The following SKAP1 variants were observed in gnomAD, a reference collection of about 807,000 sequenced individuals.
The protein encoded by SKAP1 is src kinase-associated phosphoprotein 1.
In SKAP1, 44 loss-of-function variants were observed where a neutral mutation model predicts 58.5. The ratio of observed to expected loss-of-function variants is 0.75; its 90% CI spans 0.59 to 0.97. The LOEUF (loss-of-function observed/expected upper bound fraction) is 0.97, where lower values mean the gene tolerates loss of function less well. Among genes scored for constraint, SKAP1 ranks in the 50% least tolerant of loss-of-function variants. The pLI is 0.00. For synonymous variants in SKAP1, 127 were observed against 149.7 expected (o/e 0.85, Z 1.11); for missense variants, 390 against 435.2 (o/e 0.90, Z 0.92).
intron 4 of SKAP1, among the ~76,000 whole-genome samples, chr17:48,240,698 A>C (rs912727545): frequency 2.6e-5 from 4 of 152,226 alleles, no homozygotes; most frequent in African/African-American, 9.7e-5. Context: ...GTGTTGTTCC[A>C]GTGGAATTAC....
chr17:48,404,600 A>G (rs1013553895), intron 1 of SKAP1, among the ~76,000 whole-genome samples: 5 of 152,242 alleles, frequency 3.3e-5, no homozygotes, highest in Admixed American at 6.5e-5. Flanking sequence ...CATCCTTGAC[A>G]GTGATAATTA....
chr17:48,180,046 T>C lies in SKAP1; in HGVS notation c.826+8A>G, dbSNP rs537241708. On this transcript the variant is annotated splice_region_variant and intron_variant, in intron 9 of 12. Coordinates refer to ENST00000336915, the MANE Select transcript of SKAP1 (RefSeq NM_003726.4). ...AGCATAAGATAATCAGAGGACAAAA[T>C]TTCTCACCTGGCAAGACTTCATAAA... 3 of 1,572,206 alleles carry C rather than the reference T, an allele frequency of 1.9e-6. No homozygotes were observed. In the South Asian group the frequency reaches 3.5e-5, roughly 19 times the overall value.
At chr17:48,346,618 C>G (rs907629957) in intron 3 of SKAP1, among the ~76,000 whole-genome samples, 5 of 150,294 alleles carry the variant, frequency 3.3e-5, no homozygotes, top group African/African-American at 1.2e-4. Flanking sequence ...CAGCGAGACT[C>G]CATCTAAAAA....
intron 4 of SKAP1, among the ~76,000 whole-genome samples, chr17:48,205,025 TTCTTTCTTTCTTTCTCTCTCTC>T (rs2064789281): frequency 2.9e-5 from 1 of 34,598 alleles, no homozygotes; most frequent in Admixed American, 4.4e-4. Flanking sequence ...TTTTCTTTCT[TTCTTTCTTTCTTTCTCTCTCTC>T]TCTTTCTTTC....
chr17:48,244,191 T>TAGAA (rs1358288272), intron 4 of SKAP1, among the ~76,000 whole-genome samples: 7 of 152,174 alleles, frequency 4.6e-5, no homozygotes. Context: ...CATGGCAGCT[T>TAGAA]TCCTGGACTA....
chr17:48,133,767 T>C lies in SKAP1; in HGVS notation c.*57A>G, dbSNP rs1301283253. Reference sequence around the variant, plus strand: ...TGGCAGAAGTAGGGAGTGGGAACTTTTGATGATCAGTTTCCTCATAAAGGC... The same window carrying C: ...TGGCAGAAGTAGGGAGTGGGAACTTCTGATGATCAGTTTCCTCATAAAGGC... On this transcript the variant is annotated 3_prime_UTR_variant, in exon 13 of 13. Transcript: ENST00000336915. 6.6e-6 allele frequency: 1 copy of C among 152,532 alleles called. No homozygotes were observed. The highest frequency in any genetic ancestry group is 1.5e-5 in the Non-Finnish European group (1 of 68,046). The allele number at this position is 152,532 out of a possible 1,614,324, so 9.4% of individuals were successfully genotyped here.
At chr17:48,192,003 T>C (rs1344208491) in intron 4 of SKAP1, among the ~76,000 whole-genome samples, 2 of 152,142 alleles carry the variant, frequency 1.3e-5, no homozygotes, top group Non-Finnish European at 1.5e-5. Flanking sequence ...GAAGGCTCTC[T>C]GAAGTGCTGT....
chr17:48,396,035 T>C (rs909951397), intron 2 of SKAP1, among the ~76,000 whole-genome samples: 7 of 152,206 alleles, frequency 4.6e-5, no homozygotes, highest in African/African-American at 1.2e-4. Context: ...TTATCCCTTG[T>C]TCTCATTCAG....
At chr17:48,262,706 A>G (rs906611514) in intron 4 of SKAP1, among the ~76,000 whole-genome samples, 3 of 152,202 alleles carry the variant, frequency 2.0e-5, no homozygotes, top group African/African-American at 7.2e-5. Context: ...GCCAATGCCA[A>G]AGTAAGAGTG....
At chr17:48,311,663 C>T (rs146533241) in intron 4 of SKAP1, among the ~76,000 whole-genome samples, 499 of 152,296 alleles carry the variant, frequency 3.3e-3, no homozygotes, top group Non-Finnish European at 5.8e-3. Flanking sequence ...ACTGCCCCTG[C>T]CCTTTAATTC....
intron 4 of SKAP1, among the ~76,000 whole-genome samples, chr17:48,233,239 A>T (rs541995506): frequency 6.6e-6 from 1 of 152,332 alleles, no homozygotes; most frequent in Admixed American, 6.5e-5. Context: ...CACATTTGAA[A>T]AAACTCAATT....
At chr17:48,354,231 C>G (rs2066845085) in intron 3 of SKAP1, among the ~76,000 whole-genome samples, 1 of 152,128 alleles carries the variant, frequency 6.6e-6, no homozygotes, top group African/African-American at 2.4e-5. Context: ...ACATCCCACT[C>G]CAAACAGGGA....
intron 2 of SKAP1, among the ~76,000 whole-genome samples, chr17:48,387,385 C>T (rs1248889178): frequency 6.6e-6 from 1 of 152,248 alleles, no homozygotes; most frequent in African/African-American, 2.4e-5. Context: ...CTAAGACACC[C>T]ATGCCACTAT....
At chr17:48,317,549 T>C (rs750846673) in intron 4 of SKAP1, among the ~76,000 whole-genome samples, 34 of 152,214 alleles carry the variant, frequency 2.2e-4, no homozygotes, top group Non-Finnish European at 4.3e-4. Context: ...AATTTCCTTT[T>C]GAAATAAATA....
intron 4 of SKAP1, among the ~76,000 whole-genome samples, chr17:48,329,341 T>C (rs1196581323): frequency 1.3e-5 from 2 of 152,262 alleles, no homozygotes; most frequent in African/African-American, 4.8e-5. Flanking sequence ...ATTAATGTGC[T>C]ACTGCTTTTT....
chr17:48,297,117 T>C (rs2065987177), intron 4 of SKAP1, among the ~76,000 whole-genome samples: 1 of 152,192 alleles, frequency 6.6e-6, no homozygotes, highest in Admixed American at 6.5e-5. Flanking sequence ...ACATTTCACT[T>C]AAGAACTTCT....
At chr17:48,138,518 C>A (rs1194185452) in intron 11 of SKAP1, among the ~76,000 whole-genome samples, 1 of 151,862 alleles carries the variant, frequency 6.6e-6, no homozygotes, top group Non-Finnish European at 1.5e-5. Flanking sequence ...TACAGGCGCG[C>A]ACCACCACGC....
chr17:48,215,659 A>T (rs575545568), intron 4 of SKAP1, among the ~76,000 whole-genome samples: 4 of 150,040 alleles, frequency 2.7e-5, no homozygotes, highest in Admixed American at 6.7e-5. Flanking sequence ...CTTAACAGAA[A>T]TTTTTTTTTT....
chr17:48,291,109 C>A (rs9910535), intron 4 of SKAP1, among the ~76,000 whole-genome samples: 50,087 of 152,018 alleles, frequency 0.33, 8,969 homozygotes, highest in African/African-American at 0.47. Context: ...ACAGAGTAGA[C>A]CCTGTCTTAA....
Sources: gnomAD v4.1 joint callset for allele counts (sites outside exome capture counted in the v4.1 genomes callset) on GRCh38, gnomAD v4.1.1 for gene constraint, MANE v1.5 for transcripts, NCBI Gene and HGNC (gene_info 2026-07-23, HGNC 2026-07-21) for gene names.